The following ANK3 variants were observed in gnomAD, a reference collection of about 807,000 sequenced individuals.
ANK3 encodes ankyrin-3.
ANK3 carries 57 observed loss-of-function variants against 370.9 expected under a neutral mutation model. The ratio of observed to expected loss-of-function variants is 0.15; its 90% CI spans 0.12 to 0.19. ANK3 has a LOEUF of 0.19. ANK3 is among the 10% of genes least tolerant of loss of function. The pLI, the probability that ANK3 is intolerant of heterozygous loss-of-function variation, is 1.00. For synonymous variants in ANK3, 1,929 were observed against 1,946.3 expected, an observed-to-expected ratio of 0.99 and a Z score of 0.23; for missense variants, 4,439 against 5,302.1, an observed-to-expected ratio of 0.84 and a Z score of 5.06.
chr10:60,403,961 T>C (rs1023529930), intron 2 of ANK3, among the ~76,000 whole-genome samples: 2 of 152,140 alleles, frequency 1.3e-5, no homozygotes, highest in African/African-American at 2.4e-5. Flanking sequence ...CTGCAAATGA[T>C]TGGAAAATCG....
At chr10:60,038,030 A>G (rs1354745551) in intron 43 of ANK3, among the ~76,000 whole-genome samples, 2 of 152,126 alleles carry the variant, frequency 1.3e-5, no homozygotes, top group East Asian at 3.9e-4. Flanking sequence ...TTAATGTGCA[A>G]TTCTCTAATG....
chr10:60,381,940 C>A (rs2132835274), intron 1 of ANK3, among the ~76,000 whole-genome samples: 1 of 152,258 alleles, frequency 6.6e-6, no homozygotes, highest in South Asian at 2.1e-4. Context: ...GATACTTCCC[C>A]ACATCGCTCC....
At chr10:60,079,954 A>G (rs1249454703) in intron 36 of ANK3, among the ~76,000 whole-genome samples, 1 of 152,190 alleles carries the variant, frequency 6.6e-6, no homozygotes, top group African/African-American at 2.4e-5. Flanking sequence ...TAACTGGTCT[A>G]GTGAAGACCA....
upstream of ANK3, among the ~76,000 whole-genome samples, chr10:60,393,464 T>TA (rs1166324828): frequency 6.6e-6 from 1 of 152,176 alleles, no homozygotes; most frequent in Non-Finnish European, 1.5e-5. Context: ...GAATCTTCTA[T>TA]AAAAACAATA....
At chr10:60,278,714 C>T (rs1002081400) in intron 4 of ANK3, 60 bp downstream of exon 4, 22 of 1,358,782 alleles carry the variant, frequency 1.6e-5, no homozygotes, top group Non-Finnish European at 1.8e-5. Flanking sequence ...AGCACCTGAC[C>T]CAAAGAACAT....
At chr10:60,128,582 T>C (rs1364931495) in intron 25 of ANK3, among the ~76,000 whole-genome samples, 1 of 152,118 alleles carries the variant, frequency 6.6e-6, no homozygotes, top group Non-Finnish European at 1.5e-5. Flanking sequence ...GGTTTCACCA[T>C]GTTGGCCAGG....
At chr10:60,256,443 G>A (rs2097736634) in intron 7 of ANK3, among the ~76,000 whole-genome samples, 1 of 152,170 alleles carries the variant, frequency 6.6e-6, no homozygotes, top group Non-Finnish European at 1.5e-5. Flanking sequence ...CATGTGCTAA[G>A]CCATGTTGGC....
At chr10:60,264,719 T>C (rs2097853851) in intron 5 of ANK3, among the ~76,000 whole-genome samples, 1 of 152,164 alleles carries the variant, frequency 6.6e-6, no homozygotes, top group Admixed American at 6.6e-5. Flanking sequence ...TGTAAACATT[T>C]CCACTGATTT....
rs181665337 is a variant in ANK3 at position 60,120,786 on chromosome 10, G to A, written c.2842-6455C>T. 2.7e-3 allele frequency among the ~76,000 whole-genome samples: 412 copies of A among 152,278 alleles called. 5 individuals carry two copies. Among genetic ancestry groups the A allele is most frequent in the African/African-American group, 9.7e-3 (403 of 41,552 alleles). On this transcript the variant is annotated intron_variant, in intron 25 of 43. Coordinates refer to ENST00000280772, the MANE Select transcript of ANK3 (RefSeq NM_020987.5). ...CAGAATGAGATATCATCTCACCTTA[G>A]TTAAAATAGCTTTTATCCAGAAGTT...
chr10:60,543,788 A>C (rs2076903039), intron 2 of ANK3, among the ~76,000 whole-genome samples: 1 of 152,028 alleles, frequency 6.6e-6, no homozygotes, highest in Admixed American at 6.6e-5. Context: ...ACCTTCTCCC[A>C]CCTACTTAAT....
rs764006864 is a variant in ANK3, at chr10:60,074,839, C to T, written c.6042G>A (p.Glu2014=). The change falls in exon 37 of 44, where the codon GAG becomes GAA. Residue 2014 remains glutamate, a synonymous_variant. Coordinates refer to ENST00000280772, the MANE Select transcript of ANK3 (RefSeq NM_020987.5). ...CGGCTTTTGCTTTTACTTGCACTCT[C>T]TCTGGCAGAGATGGAGACTGGCTCG... The part of the protein sequence containing the change: ...AAASQSPSLP[E]RVQVKAKAAS... 3.7e-6 allele frequency: 6 copies of T among 1,613,708 alleles called. No homozygotes were observed. The highest frequency in any genetic ancestry group is 5.1e-6 in the Non-Finnish European group (6 of 1,179,934).
In ANK3 at chr10:60,076,120, T is replaced by C; in HGVS notation, c.4761A>G (p.Gln1587=). Residue 1587 remains glutamine, a synonymous_variant, in exon 37 of 44, where the codon CAA becomes CAG. Coordinates refer to ENST00000280772, the MANE Select transcript of ANK3 (RefSeq NM_020987.5). The stretch of plus-strand genomic sequence containing the variant: ...AGGAAACTTGGATATTGTATGGAGA[T>C]TGTGACACCACAGTTTTTATCGGCG... ...MSSPIKTVVS[Q]SPYNIQVSSG... is the part of the protein sequence containing the mutation. 1 of 1,614,160 alleles carries C rather than the reference T, an allele frequency of 6.2e-7. No homozygotes were observed. The highest frequency in any genetic ancestry group is 1.1e-5 in the South Asian group (1 of 91,074).
At chr10:60,637,747 C>T (rs10740037) in intron 1 of ANK3, among the ~76,000 whole-genome samples, 102,914 of 152,046 alleles carry the variant, frequency 0.68, 34,967 homozygotes, top group South Asian at 0.82. Context: ...GCGAAATATG[C>T]ATTTATGAAA....
intron 1 of ANK3, among the ~76,000 whole-genome samples, chr10:60,722,266 C>T (rs1012207760): frequency 1.3e-5 from 2 of 151,926 alleles, no homozygotes; most frequent in African/African-American, 4.8e-5. Flanking sequence ...TAGTTTCTGG[C>T]ATACCTGATG....
chr10:60,695,669 TG>T (rs1339198035), intron 1 of ANK3, among the ~76,000 whole-genome samples: 2 of 152,102 alleles, frequency 1.3e-5, no homozygotes, highest in African/African-American at 4.8e-5. Context: ...CATAATGAAA[TG>T]AAGGCAGAAA....
chr10:60,658,659 A>G (rs1010846696), intron 1 of ANK3, among the ~76,000 whole-genome samples: 1 of 152,128 alleles, frequency 6.6e-6, no homozygotes, highest in African/African-American at 2.4e-5. Flanking sequence ...AGCTGGTATC[A>G]TTTCCCTTCT....
intron 2 of ANK3, among the ~76,000 whole-genome samples, chr10:60,522,346 C>CTTTT (rs11425050): frequency 6.9e-6 from 1 of 144,684 alleles, no homozygotes. Flanking sequence ...CATATTGAGA[C>CTTTT]TTTTTTTTTT....
At chr10:60,451,289 G>C (rs149292388) in intron 2 of ANK3, among the ~76,000 whole-genome samples, 92 of 152,314 alleles carry the variant, frequency 6.0e-4, no homozygotes, top group African/African-American at 2.1e-3. Flanking sequence ...TGTTGTTTAA[G>C]CCACCCAGTT....
intron 2 of ANK3, among the ~76,000 whole-genome samples, chr10:60,581,545 C>G (rs1388823822): frequency 2.6e-5 from 4 of 151,626 alleles, no homozygotes; most frequent in Non-Finnish European, 5.9e-5. Flanking sequence ...CTGCCTCAGC[C>G]TCCTGAGTAG....
Sources: allele counts gnomAD v4.1 joint callset (sites outside exome capture counted in the v4.1 genomes callset), GRCh38; gene constraint gnomAD v4.1.1; transcripts MANE v1.5; gene names NCBI Gene and HGNC (gene_info 2026-07-23, HGNC 2026-07-21).